Variants in FAM167B observed in about 807,000 individuals in gnomAD.
FAM167B encodes the protein protein FAM167B.
A neutral mutation model predicts 15.4 loss-of-function variants in FAM167B; 7 were observed. The ratio of observed to expected loss-of-function variants is 0.46; its 90% CI spans 0.26 to 0.86. The LOEUF is 0.86. Among genes scored for constraint, FAM167B ranks in the 40% least tolerant of loss-of-function variants. The pLI is 0.17. For synonymous variants in FAM167B, 100 were observed against 94.6 expected, an observed-to-expected ratio of 1.06 and a Z score of -0.33; for missense variants, 207 against 208.3, an observed-to-expected ratio of 0.99 and a Z score of 0.04.
rs781763637 is a variant in FAM167B, at chr1:32,248,800, G to A, written c.*199G>A. The A allele has an allele frequency of 3.4e-6, 2 of 596,992 alleles. No individual in the cohort carries two copies. The highest frequency in any genetic ancestry group is 5.9e-6 in the Non-Finnish European group (2 of 338,980). The allele number at this position is 596,992 out of a possible 1,614,324, so 37.0% of individuals were successfully genotyped here. On this transcript the variant is annotated 3_prime_UTR_variant, in exon 2 of 2. Transcript: ENST00000373582. ...TCCTCTGCTGACCCAGCTGGGAGGG[G>A]GAGGAGGAGGAGCTCACACCCTCAA...
chr1:32,248,310 G>C, intron 1 of FAM167B, 61 bp from the exon 2 acceptor site: 1 of 1,404,898 alleles, frequency 7.1e-7, no homozygotes, highest in Non-Finnish European at 9.5e-7. Flanking sequence ...TTGCCAGGAA[G>C]GGAGAAACGG....
In FAM167B at chr1:32,248,692, G is replaced by A. The variant is rs924517446; in HGVS notation, c.*91G>A. On this transcript the variant is annotated 3_prime_UTR_variant, in exon 2 of 2. Transcript: ENST00000373582. ...AGAGGAAAGGGAGGGGTGCCCCAGA[G>A]GCACCAGCTCCTGGCGGGGGAGGAG... The A allele has an allele frequency of 3.5e-6, 4 of 1,142,160 alleles. No homozygotes were observed. In the African/African-American group the frequency reaches 6.3e-5, roughly 18 times the overall value. 70.8% of individuals were successfully genotyped at this position (1,142,160 alleles called of 1,614,324 possible).
intron 1 of FAM167B, 121 bp downstream of exon 1, chr1:32,247,803 C>T (rs957158110): frequency 5.3e-5 from 51 of 959,650 alleles, no homozygotes; most frequent in Middle Eastern, 3.5e-4. Context: ...CCGCCCGCTC[C>T]GGTGTCCTGG....
At chr1:32,248,324 G>A (rs1639435440) in intron 1 of FAM167B, 47 bp from the exon 2 acceptor site, 1 of 1,467,572 alleles carries the variant, frequency 6.8e-7, no homozygotes. Flanking sequence ...GAAACGGCGC[G>A]CGGCCGAGGG....
chr1:32,247,332 A>T lies in FAM167B; in HGVS notation c.-90A>T, dbSNP rs780638990. 13 of 1,446,156 alleles carry T rather than the reference A, an allele frequency of 9.0e-6. No homozygotes were observed. The highest frequency in any genetic ancestry group is 1.2e-5 in the Non-Finnish European group (13 of 1,095,318). The allele number at this position is 1,446,156 out of a possible 1,614,324, so 89.6% of individuals were successfully genotyped here. ...TCCCTGGCACGCTCTTCTCACCCTC[A>T]ACTTCTGCCACCTCTCCCTGGGCAA... On this transcript the variant is annotated 5_prime_UTR_variant, in exon 1 of 2. Coordinates refer to ENST00000373582, the MANE Select transcript of FAM167B (RefSeq NM_032648.3).
At position 32,248,405 on chromosome 1, in the gene FAM167B, G is replaced by C. The variant is rs11576019; in HGVS notation, c.296G>C (p.Gly99Ala). The change falls in exon 2 of 2, where the codon GGG becomes GCG. Residue 99 changes from glycine to alanine, a missense_variant. Coordinates refer to ENST00000373582, the MANE Select transcript of FAM167B (RefSeq NM_032648.3). The part of the protein sequence containing the change: ...EMQAQDRQLA[G>A]QLLRLRAQLH... ...CAGGCGCAGGACAGGCAGCTGGCAGGGCAGCTGCTGCGGCTGCGGGCCCAG... is the reference window on the plus strand; with the variant it reads ...CAGGCGCAGGACAGGCAGCTGGCAGCGCAGCTGCTGCGGCTGCGGGCCCAG... 0.012 allele frequency: 19,943 copies of C among 1,595,730 alleles called. 145 individuals carry two copies. Among genetic ancestry groups the C allele is most frequent in the South Asian group, 0.023 (2,033 of 88,846 alleles).
At position 32,247,641 on chromosome 1, in the gene FAM167B, G is replaced by C; in HGVS notation, c.220G>C (p.Asp74His). ...PGGPGDICGF[D>H]SMDSALEWLR... Reference sequence around the variant, plus strand: ...GGGACCTGGGGACATCTGTGGTTTCGACTCAATGGACTCCGCCCTTGAGTG... The same window carrying C: ...GGGACCTGGGGACATCTGTGGTTTCCACTCAATGGACTCCGCCCTTGAGTG... The change falls in exon 1 of 2, where the codon GAC becomes CAC. Residue 74 changes from aspartate (D) to histidine (H), a missense_variant. Transcript: ENST00000373582. The C allele has an allele frequency of 1.3e-6, 2 of 1,492,438 alleles. No homozygotes were observed. The highest frequency in any genetic ancestry group is 1.8e-6 in the Non-Finnish European group (2 of 1,117,806). The allele number at this position is 1,492,438 out of a possible 1,614,324, so 92.4% of individuals were successfully genotyped here.
At position 32,247,615 on chromosome 1, in the gene FAM167B, G is replaced by A. The variant is rs770780192; in HGVS notation, c.194G>A (p.Gly65Glu). The change falls in exon 1 of 2, where the codon GGG becomes GAG. Residue 65 changes from glycine to glutamate, a missense_variant. Gly to Glu is a moderately conservative substitution (Grantham distance 98). Transcript: ENST00000373582. ...WRRAQAKPGP[G>E]GPGDICGFDS... ...AGGGCCCAAGCCAAACCTGGACCAG[G>A]GGGACCTGGGGACATCTGTGGTTTC... 1.6e-5 allele frequency: 24 copies of A among 1,524,408 alleles called. No individual in the cohort carries two copies. Among genetic ancestry groups the A allele is most frequent in the Middle Eastern group, 1.7e-4 (1 of 5,722 alleles). 94.4% of individuals were successfully genotyped at this position (1,524,408 alleles called of 1,614,324 possible). A position where few individuals can be genotyped will look rare whatever the true frequency, so the allele number is the denominator to read the frequency against.
chr1:32,247,225 C>T lies in FAM167B; in HGVS notation c.-197C>T, dbSNP rs994524503. The T allele has an allele frequency of 3.8e-6, 2 of 522,778 alleles. No homozygotes were observed. Among genetic ancestry groups the T allele is most frequent in the African/African-American group, 4.0e-5 (2 of 50,574 alleles). 32.4% of individuals were successfully genotyped at this position (522,778 alleles called of 1,614,324 possible). On this transcript the variant is annotated 5_prime_UTR_variant, in exon 1 of 2. Coordinates refer to ENST00000373582, the MANE Select transcript of FAM167B (RefSeq NM_032648.3). ...CCAGGAAAATTCCAGCCCTTGCATA[C>T]TTGGCCTCACACACCCATCTGCTCA...
rs1557563439 is a variant in FAM167B at position 32,248,379 on chromosome 1, G to A, written c.270G>A (p.Met90Ile). 1 of 1,575,976 alleles carries A rather than the reference G, an allele frequency of 6.3e-7. No homozygotes were observed. The highest frequency in any genetic ancestry group is 8.6e-7 in the Non-Finnish European group (1 of 1,167,108). Residue 90 changes from methionine (M) to isoleucine (I), a missense_variant, in exon 2 of 2, where the codon ATG becomes ATA. Met to Ile is a conservative substitution (Grantham distance 10). Coordinates refer to ENST00000373582, the MANE Select transcript of FAM167B (RefSeq NM_032648.3). ...LEWLRRELRE[M>I]QAQDRQLAGQ... ...CCCCCTCTCGGCCGCAGCGGGAGAT[G>A]CAGGCGCAGGACAGGCAGCTGGCAG...
At chr1:32,248,310 G>A in intron 1 of FAM167B, 61 bp from the exon 2 acceptor site, 1 of 1,404,898 alleles carries the variant, frequency 7.1e-7, no homozygotes, top group Non-Finnish European at 9.5e-7. Context: ...TTGCCAGGAA[G>A]GGAGAAACGG....
Position 32,248,642 on chromosome 1 carries a change from T to C in FAM167B, c.*41T>C. ...CCCGACTCCCCGCCCCCTCTCCCAA[T>C]GCCGCTTCCCCTGCCTGCCTGGGAA... On this transcript the variant is annotated 3_prime_UTR_variant, in exon 2 of 2. Transcript: ENST00000373582. The C allele has an allele frequency of 4.1e-6, 6 of 1,467,682 alleles. No individual in the cohort carries two copies. The highest frequency in any genetic ancestry group is 5.4e-6 in the Non-Finnish European group (6 of 1,102,150). 90.9% of individuals were successfully genotyped at this position (1,467,682 alleles called of 1,614,324 possible).
At chr1:32,248,225 G>T in intron 1 of FAM167B, 146 bp from the exon 2 acceptor site, 2 of 676,172 alleles carry the variant, frequency 3.0e-6, no homozygotes, top group South Asian at 1.9e-5. Context: ...GGTGAAGCCA[G>T]ATTGGGAGAT....
At position 32,247,699 on chromosome 1, in the gene FAM167B, G is replaced by A. The variant is rs374198414; in HGVS notation, c.261+17G>A. The A allele has an allele frequency of 1.4e-6, 2 of 1,456,700 alleles. No individual in the cohort carries two copies. Among genetic ancestry groups the A allele is most frequent in the Non-Finnish European group, 1.8e-6 (2 of 1,101,678 alleles). The allele number at this position is 1,456,700 out of a possible 1,614,324, so 90.2% of individuals were successfully genotyped here. The stretch of plus-strand genomic sequence containing the variant: ...CGGGAGCTGGTGAGTCTGGTGGGGT[G>A]GGCAGCTTTGCCCAGGGCCTTCAGG... On this transcript the variant is annotated intron_variant, in intron 1 of 1. Coordinates refer to ENST00000373582, the MANE Select transcript of FAM167B (RefSeq NM_032648.3).
Position 32,248,464 on chromosome 1 carries a change from C to A in FAM167B, c.355C>A (p.Leu119Met). The A allele has an allele frequency of 6.2e-7, 1 of 1,606,004 alleles. No homozygotes were observed. The highest frequency in any genetic ancestry group is 8.5e-7 in the Non-Finnish European group (1 of 1,177,910). Residue 119 changes from leucine (L) to methionine (M), a missense_variant, in exon 2 of 2, where the codon CTG becomes ATG. Coordinates refer to ENST00000373582, the MANE Select transcript of FAM167B (RefSeq NM_032648.3). ...ACTGAAGATGGACCAAGCCTGTCAC[C>A]TGCACCAGGAGCTGCTGGATGAGGC... is the stretch of plus-strand genomic sequence containing the variant. Reference protein sequence around the residue: ...HRLKMDQACHLHQELLDEAEL... With the variant: ...HRLKMDQACHMHQELLDEAEL...
Position 32,247,587 on chromosome 1 carries a change from C to T in FAM167B, c.166C>T (p.Arg56Cys), listed in dbSNP as rs368986976. ...AGCCCAGGTCCAGAGCCAGGCCTGGCGCAGGGCCCAAGCCAAACCTGGACC... is the reference window on the plus strand; with the variant it reads ...AGCCCAGGTCCAGAGCCAGGCCTGGTGCAGGGCCCAAGCCAAACCTGGACC... ...WTAQVQSQAW[R>C]RAQAKPGPGG... is the part of the protein sequence containing the mutation. The change falls in exon 1 of 2, where the codon CGC becomes TGC. Residue 56 changes from arginine (R) to cysteine (C), a missense_variant. Transcript: ENST00000373582. 3.8e-5 allele frequency: 60 copies of T among 1,574,494 alleles called. No homozygotes were observed. The highest frequency in any genetic ancestry group is 1.5e-4 in the Admixed American group (8 of 54,182).
In FAM167B at chr1:32,248,352, C is replaced by T; in HGVS notation, c.262-19C>T. 1 of 1,541,654 alleles carries T rather than the reference C, an allele frequency of 6.5e-7. No homozygotes were observed. The highest frequency in any genetic ancestry group is 8.7e-7 in the Non-Finnish European group (1 of 1,149,674). On this transcript the variant is annotated intron_variant, in intron 1 of 1. Transcript: ENST00000373582. ...GCCGAGGGCCTGTCCAGTAGGCTCA[C>T]GCCCCCTCTCGGCCGCAGCGGGAGA...
rs945937409 is a variant in FAM167B, at chr1:32,248,596, T to C, written c.487T>C (p.Cys163Arg). 1.4e-5 allele frequency: 22 copies of C among 1,537,820 alleles called. No individual in the cohort carries two copies. Among genetic ancestry groups the C allele is most frequent in the Admixed American group, 7.9e-5 (4 of 50,556 alleles). Reference sequence around the variant, plus strand: ...CATCAGCGCCCGGCGCTTCACCCTCTGCTGAGGAACACCTGTGCCCCCCGA... The same window carrying C: ...CATCAGCGCCCGGCGCTTCACCCTCCGCTGAGGAACACCTGTGCCCCCCGA... ...MNISARRFTL[C>R] Residue 163 changes from cysteine to arginine, a missense_variant, in exon 2 of 2, where the codon TGC becomes CGC. Physicochemically the swap from Cys to Arg is radical, Grantham distance 180. Transcript: ENST00000373582.
chr1:32,247,924 A>C (rs928538654), intron 1 of FAM167B, among the ~76,000 whole-genome samples: 4 of 152,214 alleles, frequency 2.6e-5, no homozygotes, highest in African/African-American at 9.7e-5. Flanking sequence ...GGGACAGAGC[A>C]CTGGTGTTGG....
Sources: gnomAD v4.1 joint callset for allele counts (sites outside exome capture counted in the v4.1 genomes callset) on GRCh38, gnomAD v4.1.1 for gene constraint, MANE v1.5 for transcripts, NCBI Gene and HGNC (gene_info 2026-07-23, HGNC 2026-07-21) for gene names.